The following XKR6 variants were observed in gnomAD, a reference collection of about 807,000 sequenced individuals.
XKR6 encodes XK-related protein 6.
In XKR6, 22 loss-of-function variants were observed where a neutral mutation model predicts 56.7. The ratio of observed to expected loss-of-function variants is 0.39; its 90% confidence interval spans 0.28 to 0.55. XKR6 has a LOEUF of 0.55. Among genes scored for constraint, XKR6 ranks in the 20% least tolerant of loss-of-function variants. XKR6 has a pLI of 0.66. For synonymous variants in XKR6, 524 were observed against 387.8 expected (o/e 1.35, Z -4.13); for missense variants, 852 against 889.0 (o/e 0.96, Z 0.53).
intron 1 of XKR6, among the ~76,000 whole-genome samples, chr8:11,086,149 T>TATATATATATA (rs1554454135): frequency 3.3e-4 from 33 of 100,810 alleles, no homozygotes; most frequent in African/African-American, 9.7e-4. Flanking sequence ...TATATATATA[T>TATATATATATA]TTTTTTTTAA....
intron 1 of XKR6, among the ~76,000 whole-genome samples, chr8:10,965,246 G>C (rs1802183712): frequency 6.6e-6 from 1 of 152,204 alleles, no homozygotes; most frequent in Non-Finnish European, 1.5e-5. Context: ...GCTCATCTGA[G>C]CTCTGGCAAG....
chr8:10,992,357 G>T (rs192741082), intron 1 of XKR6, among the ~76,000 whole-genome samples: 8 of 152,100 alleles, frequency 5.3e-5, no homozygotes, highest in African/African-American at 1.4e-4. Context: ...TTAGAATGAA[G>T]ACTCCATCTA....
chr8:11,170,565 A>G (rs548255767), intron 1 of XKR6, among the ~76,000 whole-genome samples: 1 of 152,350 alleles, frequency 6.6e-6, no homozygotes, highest in African/African-American at 2.4e-5. Flanking sequence ...AGAAGTGACT[A>G]CAATGGATGC....
intron 1 of XKR6, among the ~76,000 whole-genome samples, chr8:10,961,967 C>T (rs573244745): frequency 1.3e-5 from 2 of 152,300 alleles, no homozygotes; most frequent in East Asian, 3.9e-4. Flanking sequence ...CTATTATACA[C>T]CACCTTTCTG....
intron 1 of XKR6, among the ~76,000 whole-genome samples, chr8:11,183,371 T>C (rs1047197795): frequency 2.0e-5 from 3 of 152,202 alleles, no homozygotes; most frequent in African/African-American, 4.8e-5. Flanking sequence ...TTAGCACTTA[T>C]TGTCTTGTGT....
intron 1 of XKR6, among the ~76,000 whole-genome samples, chr8:10,998,767 C>CCA (rs1452894193): frequency 1.3e-5 from 2 of 152,212 alleles, no homozygotes; most frequent in African/African-American, 2.4e-5. Flanking sequence ...TGAAACCTGA[C>CCA]CACCCCCTTT....
chr8:11,195,433 A>T (rs911815611), intron 1 of XKR6, among the ~76,000 whole-genome samples: 2 of 152,160 alleles, frequency 1.3e-5, no homozygotes, highest in Non-Finnish European at 2.9e-5. Flanking sequence ...ATTCTCACTA[A>T]CATATCAATA....
intron 1 of XKR6, among the ~76,000 whole-genome samples, chr8:10,929,174 G>A (rs986058560): frequency 2.0e-5 from 3 of 152,210 alleles, no homozygotes; most frequent in Non-Finnish European, 4.4e-5. Context: ...CACAAAGGAT[G>A]GCCTAGCATC....
rs1554515116 is a variant in XKR6, at chr8:10,954,866, C to CCTTTTTTTTTTTTTTTTTTTTTTTT, written c.765-30037_765-30036insAAAAAAAAAAAAAAAAAAAAAAAAG. On this transcript the variant is annotated intron_variant, in intron 1 of 2. Coordinates refer to ENST00000416569, the MANE Select transcript of XKR6 (RefSeq NM_173683.4). ...TAAGGTAAGGGTCTAACTTCATTCTCTTTTTTTTTTTTTTTTTTTTAGACA... is the reference window on the plus strand; with the variant it reads ...TAAGGTAAGGGTCTAACTTCATTCTCCTTTTTTTTTTTTTTTTTTTTTTTTTTTTTTTTTTTTTTTTTTTTAGACA... Among the ~76,000 whole-genome samples the CCTTTTTTTTTTTTTTTTTTTTTTTT allele has an allele frequency of 5.4e-5, 5 of 92,794 alleles. 2 individuals carry two copies. The highest frequency in any genetic ancestry group is 4.4e-5 in the Non-Finnish European group (2 of 45,952). 60.9% of individuals were successfully genotyped at this position (92,794 alleles called of 152,430 possible).
chr8:11,196,924 T>TA (rs1268006323), intron 1 of XKR6, among the ~76,000 whole-genome samples: 1 of 152,078 alleles, frequency 6.6e-6, no homozygotes, highest in Non-Finnish European at 1.5e-5. Flanking sequence ...GGGGAGTGAT[T>TA]AAAAAAATAA....
At chr8:11,058,721 C>T (rs564726924) in intron 1 of XKR6, among the ~76,000 whole-genome samples, 1 of 152,190 alleles carries the variant, frequency 6.6e-6, no homozygotes, top group African/African-American at 2.4e-5. Context: ...AGCATTAGGA[C>T]AAACACCTAA....
chr8:11,042,717 G>C (rs557890895), intron 1 of XKR6, among the ~76,000 whole-genome samples: 4 of 152,246 alleles, frequency 2.6e-5, no homozygotes, highest in Non-Finnish European at 5.9e-5. Context: ...TGAGCATCAT[G>C]TGGGTGCTCA....
intron 1 of XKR6, chr8:11,137,898 T>C (rs992853332): frequency 2.8e-6 from 1 of 356,942 alleles, no homozygotes; most frequent in Admixed American, 3.8e-5. Flanking sequence ...GAATAAGACT[T>C]AGGTCCAAAA....
intron 1 of XKR6, among the ~76,000 whole-genome samples, chr8:11,155,950 T>A (rs1256790045): frequency 6.6e-6 from 1 of 152,212 alleles, no homozygotes; most frequent in African/African-American, 2.4e-5. Context: ...AGGCGCCTAT[T>A]CTGTGTGAAC....
Position 10,898,429 on chromosome 8 carries a change from G to A in XKR6, c.1449C>T (p.Ser483=), listed in dbSNP as rs956484441. ...AVPALCCVFI[S]FVAGIAMMLL... is the part of the protein sequence containing the mutation. Reference sequence around the variant, plus strand: ...GCATCATTGCGATCCCAGCCACAAAGCTAATAAAGACACAACACAGTGCTG... The same window carrying A: ...GCATCATTGCGATCCCAGCCACAAAACTAATAAAGACACAACACAGTGCTG... The change falls in exon 3 of 3, where the codon AGC becomes AGT. Residue 483 remains serine, a synonymous_variant. Coordinates refer to ENST00000416569, the MANE Select transcript of XKR6 (RefSeq NM_173683.4). This position sits in a 1 kb window ranked among gnomAD's most constrained non-coding sequence, Gnocchi z 6.6. 4 of 1,613,946 alleles carry A rather than the reference G, an allele frequency of 2.5e-6. No individual in the cohort carries two copies. Among genetic ancestry groups the A allele is most frequent in the Admixed American group, 1.7e-5 (1 of 59,988 alleles).
chr8:11,193,493 G>T (rs1045561777), intron 1 of XKR6, among the ~76,000 whole-genome samples: 2 of 152,158 alleles, frequency 1.3e-5, no homozygotes, highest in African/African-American at 4.8e-5. Context: ...TAATGTCACT[G>T]TAACAATAGC....
At chr8:11,075,817 G>A (rs1800259520) in intron 1 of XKR6, among the ~76,000 whole-genome samples, 1 of 152,138 alleles carries the variant, frequency 6.6e-6, no homozygotes, top group Non-Finnish European at 1.5e-5. Flanking sequence ...AGGTTGCAGT[G>A]AGCTGAGATC....
Position 11,200,824 on chromosome 8 carries a change from C to T in XKR6, c.516G>A (p.Pro172=). 1.2e-6 allele frequency: 2 copies of T among 1,611,864 alleles called. No individual in the cohort carries two copies. The highest frequency in any genetic ancestry group is 1.1e-5 in the South Asian group (1 of 90,972). ...FGLTLFFVLV[P]SLLVQSLSFR... is the part of the protein sequence containing the mutation. ...AGCTCAGGCTCTGCACCAGCAGCGA[C>T]GGCACCAGCACGAAGAAGAGGGTCA... The change falls in exon 1 of 3, where the codon CCG becomes CCA. Residue 172 remains proline, a synonymous_variant. Coordinates refer to ENST00000416569, the MANE Select transcript of XKR6 (RefSeq NM_173683.4). This position sits in a 1 kb window ranked among gnomAD's most constrained non-coding sequence, Gnocchi z 6.4.
chr8:11,046,088 T>C (rs1391193205), intron 1 of XKR6, among the ~76,000 whole-genome samples: 1 of 152,026 alleles, frequency 6.6e-6, no homozygotes, highest in Non-Finnish European at 1.5e-5. Context: ...TCCGGGTATA[T>C]ACCCAAAAGA....
Sources: allele counts gnomAD v4.1 joint callset (sites outside exome capture counted in the v4.1 genomes callset), GRCh38; gene constraint gnomAD v4.1.1; non-coding constraint Gnocchi (gnomAD v3.1); transcripts MANE v1.5; gene names NCBI Gene and HGNC (gene_info 2026-07-23, HGNC 2026-07-21).